The following NUBP1 variants were observed in gnomAD, a reference collection of about 807,000 sequenced individuals.
NUBP1 encodes NUBP iron-sulfur cluster assembly factor 1, cytosolic.
Under a neutral mutation model 41.8 loss-of-function variants are expected in NUBP1, and 46 were observed. That is an observed-to-expected ratio of 1.10 (90% CI 0.87 to 1.41). The LOEUF (loss-of-function observed/expected upper bound fraction) is 1.41. Among genes scored for constraint, NUBP1 ranks in the 40% most tolerant of loss-of-function variants. NUBP1 has a pLI of 0.00. For missense variants in NUBP1, 494 were observed against 414.0 expected, an observed-to-expected ratio of 1.19 and a Z score of -1.68; for synonymous variants, 189 against 154.6, an observed-to-expected ratio of 1.22 and a Z score of -1.65.
At chr16:10,746,071 G>A (rs1039341306) in intron 2 of NUBP1, among the ~76,000 whole-genome samples, 3 of 152,190 alleles carry the variant, frequency 2.0e-5, no homozygotes, top group Non-Finnish European at 2.9e-5. Flanking sequence ...GGGGCCTTTG[G>A]CCTTTTGCAG....
rs2030972622 is a variant in NUBP1 at position 10,766,955 on chromosome 16, C to A, written c.821-994C>A. ...ACCCTATTTTCCTGACTCACTGGGC[C>A]ATATGGGCTCCCCATCTCCCACCAA... On this transcript the variant is annotated intron_variant, in intron 9 of 10. Coordinates refer to ENST00000283027, the MANE Select transcript of NUBP1 (RefSeq NM_002484.4). This position sits in a 1 kb window ranked among gnomAD's most constrained non-coding sequence, Gnocchi z 4.8. The A allele has an allele frequency of 2.5e-6, 1 of 398,584 alleles. No homozygotes were observed. Among genetic ancestry groups the A allele is most frequent in the South Asian group, 1.3e-4 (1 of 7,858 alleles). 24.7% of individuals were successfully genotyped at this position (398,584 alleles called of 1,614,324 possible).
Position 10,744,083 on chromosome 16 carries a change from C to T in NUBP1, c.124+18C>T, listed in dbSNP as rs963205563. 9 of 1,550,588 alleles carry T rather than the reference C, an allele frequency of 5.8e-6. No individual in the cohort carries two copies. Among genetic ancestry groups the T allele is most frequent in the Non-Finnish European group, 7.8e-6 (9 of 1,155,522 alleles). ...GGACACGGGTGAGAAAAGGGCAAGG[C>T]CTCAACAGGAACTTAGAGGCGCAGG... On this transcript the variant is annotated intron_variant, in intron 2 of 10. Transcript: ENST00000283027.
chr16:10,752,762 C>A (rs1429550746), intron 4 of NUBP1, 84 bp downstream of exon 4: 6 of 1,084,024 alleles, frequency 5.5e-6, no homozygotes, highest in Non-Finnish European at 7.0e-6. Context: ...AACAAAGAGG[C>A]ATGCGGAGCC....
Position 10,765,355 on chromosome 16 carries a change from A to C in NUBP1, c.821-2594A>C, listed in dbSNP as rs903303525. 4.0e-5 allele frequency among the ~76,000 whole-genome samples: 6 copies of C among 151,510 alleles called. No individual in the cohort carries two copies. The highest frequency in any genetic ancestry group is 7.4e-5 in the Non-Finnish European group (5 of 67,870). ...AAAAAAAAAAAAAAAAAAAAGGAAAAAATTCACCCAGTGTGGTGGCATGTG... is the reference window on the plus strand; with the variant it reads ...AAAAAAAAAAAAAAAAAAAAGGAAACAATTCACCCAGTGTGGTGGCATGTG... On this transcript the variant is annotated intron_variant, in intron 9 of 10. Coordinates refer to ENST00000283027, the MANE Select transcript of NUBP1 (RefSeq NM_002484.4). This position sits in a 1 kb window ranked among gnomAD's most constrained non-coding sequence, Gnocchi z 4.0.
rs2030966634 is a variant in NUBP1, at chr16:10,766,902, G to GA, written c.821-1045dup. 2.5e-6 allele frequency: 1 copy of GA among 398,436 alleles called. No homozygotes were observed. The highest frequency in any genetic ancestry group is 4.4e-6 in the Non-Finnish European group (1 of 226,072). The allele number at this position is 398,436 out of a possible 1,614,324, so 24.7% of individuals were successfully genotyped here. A position where few individuals can be genotyped will look rare whatever the true frequency, so the allele number is the denominator to read the frequency against. ...ACATTTCCTGTTATGGCTCAAGTGC[G>GA]AATTGGCCTTATGTTCCCTGCCTCT... On this transcript the variant is annotated intron_variant, in intron 9 of 10. Coordinates refer to ENST00000283027, the MANE Select transcript of NUBP1 (RefSeq NM_002484.4). The surrounding 1 kb of genome is among the most constrained non-coding windows in gnomAD (Gnocchi z 4.8).
chr16:10,761,229 C>G (rs2142748152), intron 7 of NUBP1, 135 bp from the exon 8 acceptor site: 2 of 725,284 alleles, frequency 2.8e-6, no homozygotes, highest in East Asian at 5.8e-5. Flanking sequence ...GACACAGAGC[C>G]AAACCCTATC....
At position 10,767,857 on chromosome 16, in the gene NUBP1, C is replaced by G; in HGVS notation, c.821-92C>G. 8.5e-7 allele frequency: 1 copy of G among 1,173,880 alleles called. No homozygotes were observed. The highest frequency in any genetic ancestry group is 1.3e-6 in the Non-Finnish European group (1 of 785,596). 72.7% of individuals were successfully genotyped at this position (1,173,880 alleles called of 1,614,324 possible). On this transcript the variant is annotated intron_variant, in intron 9 of 10. Transcript: ENST00000283027. This position sits in a 1 kb window ranked among gnomAD's most constrained non-coding sequence, Gnocchi z 4.6. ...GAGTGAAGCGGGCTCAAGATCTTCC[C>G]ATTGTCACCAGCACGGAAAGAGCCC...
At position 10,747,216 on chromosome 16, in the gene NUBP1, TG is replaced by T; in HGVS notation, c.201del (p.Ser69AlafsTer11). 6.2e-7 allele frequency: 1 copy of T among 1,614,208 alleles called. No homozygotes were observed. The highest frequency in any genetic ancestry group is 1.1e-5 in the South Asian group (1 of 91,086). Reference sequence around the variant, plus strand: ...TGGTATTGTCTGGGAAAGGCGGTGTTGGGAAAAGCACATTCAGCGCCCACCT... The same window carrying T: ...TGGTATTGTCTGGGAAAGGCGGTGTTGGAAAAGCACATTCAGCGCCCACCT... ...ILVLSGKGGV[G>X]KSTFSAHLAH... is the part of the protein sequence containing the mutation. On this transcript the variant is annotated frameshift_variant, in exon 3 of 11. Coordinates refer to ENST00000283027, the MANE Select transcript of NUBP1 (RefSeq NM_002484.4). LOFTEE classifies it high-confidence loss of function.
intron 9 of NUBP1, among the ~76,000 whole-genome samples, chr16:10,764,164 G>A (rs1033475587): frequency 6.6e-6 from 1 of 152,222 alleles, no homozygotes; most frequent in African/African-American, 2.4e-5. Flanking sequence ...GCCCACAGGA[G>A]TATCTCAGCC....
intron 2 of NUBP1, among the ~76,000 whole-genome samples, chr16:10,744,761 T>C (rs1010468582): frequency 3.3e-5 from 5 of 152,002 alleles, no homozygotes; most frequent in African/African-American, 7.2e-5. Context: ...TTTCTTTTTT[T>C]TCCCCCTTTT....
At chr16:10,760,152 T>A (rs1214525331) in intron 7 of NUBP1, among the ~76,000 whole-genome samples, 2 of 152,258 alleles carry the variant, frequency 1.3e-5, no homozygotes, top group Non-Finnish European at 2.9e-5. Flanking sequence ...GTCAGTTGTT[T>A]GTGTTTATAA....
chr16:10,744,070 GA>G lies in NUBP1; in HGVS notation c.124+9del. The G allele has an allele frequency of 2.6e-6, 4 of 1,533,384 alleles. No individual in the cohort carries two copies. Among genetic ancestry groups the G allele is most frequent in the Non-Finnish European group, 2.6e-6 (3 of 1,140,636 alleles). The allele number at this position is 1,533,384 out of a possible 1,614,324, so 95.0% of individuals were successfully genotyped here. A position where few individuals can be genotyped will look rare whatever the true frequency, so the allele number is the denominator to read the frequency against. On this transcript the variant is annotated splice_donor_region_variant and intron_variant, in intron 2 of 10. Coordinates refer to ENST00000283027, the MANE Select transcript of NUBP1 (RefSeq NM_002484.4). ...CGGGGGCCACTCCGGACACGGGTGA[GA>G]AAAGGGCAAGGCCTCAACAGGAACT...
intron 7 of NUBP1, 27 bp downstream of exon 7, chr16:10,758,054 G>A: frequency 2.5e-6 from 4 of 1,608,514 alleles, no homozygotes; most frequent in Non-Finnish European, 3.4e-6. Context: ...CTGGAGCTGG[G>A]TCCAAACTGT....
chr16:10,758,801 G>A (rs147185333), intron 7 of NUBP1, among the ~76,000 whole-genome samples: 1 of 152,256 alleles, frequency 6.6e-6, no homozygotes, highest in East Asian at 1.9e-4. Context: ...TAAGCCACTG[G>A]GTGCCTTCGC....
chr16:10,752,920 G>A (rs1408293073), intron 4 of NUBP1, among the ~76,000 whole-genome samples: 2 of 152,120 alleles, frequency 1.3e-5, no homozygotes, highest in African/African-American at 4.8e-5. Flanking sequence ...TCAGCCTCCT[G>A]AGTAGCTGGG....
At chr16:10,752,994 T>C (rs112339897) in intron 4 of NUBP1, among the ~76,000 whole-genome samples, 2 of 152,118 alleles carry the variant, frequency 1.3e-5, no homozygotes, top group African/African-American at 4.8e-5. Flanking sequence ...CAGGTTTCAC[T>C]ACGTTGGCCA....
rs760384677 is a variant in NUBP1 at position 10,761,447 on chromosome 16, G to C, written c.690G>C (p.Met230Ile). 34 of 1,613,992 alleles carry C rather than the reference G, an allele frequency of 2.1e-5. No individual in the cohort carries two copies. The highest frequency in any genetic ancestry group is 2.7e-5 in the Non-Finnish European group (32 of 1,179,980). Reference sequence around the variant, plus strand: ...CCATCATCGGGGTGGTGGAGAACATGAGTGGCTTCATCTGTCCTAAGTGCA... The same window carrying C: ...CCATCATCGGGGTGGTGGAGAACATCAGTGGCTTCATCTGTCCTAAGTGCA... ...KLPIIGVVEN[M>I]SGFICPKCKK... is the part of the protein sequence containing the mutation. The change falls in exon 8 of 11, where the codon ATG (methionine) becomes ATC (isoleucine). Residue 230 changes from methionine to isoleucine, a missense_variant. By Grantham distance (10) the Met-to-Ile change is conservative. Transcript: ENST00000283027.
At position 10,765,628 on chromosome 16, in the gene NUBP1, C is replaced by G. The variant is rs1244358604; in HGVS notation, c.821-2321C>G. On this transcript the variant is annotated intron_variant, in intron 9 of 10. Coordinates refer to ENST00000283027, the MANE Select transcript of NUBP1 (RefSeq NM_002484.4). This position sits in a 1 kb window ranked among gnomAD's most constrained non-coding sequence, Gnocchi z 4.0. ...GAAGTGACCTTGGGGCTATTAGATC[C>G]TGATACGGCTTTTCTTCCAAAGAGC... Among the ~76,000 whole-genome samples, 1 of 152,228 alleles carries G rather than the reference C, an allele frequency of 6.6e-6. No individual in the cohort carries two copies. The highest frequency in any genetic ancestry group is 1.5e-5 in the Non-Finnish European group (1 of 68,038).
At position 10,761,406 on chromosome 16, in the gene NUBP1, C is replaced by T. The variant is rs1231972773; in HGVS notation, c.649C>T (p.Arg217Cys). 6.8e-6 allele frequency: 11 copies of T among 1,613,990 alleles called. No homozygotes were observed. The highest frequency in any genetic ancestry group is 5.3e-5 in the African/African-American group (4 of 74,904). Reference sequence around the variant, plus strand: ...TGTCCGGAAAGAAATCAACTTCTGCCGCAAGGTGAAGCTGCCCATCATCGG... The same window carrying T: ...TGTCCGGAAAGAAATCAACTTCTGCTGCAAGGTGAAGCTGCCCATCATCGG... ...QDVRKEINFC[R>C]KVKLPIIGVV... The change falls in exon 8 of 11, where the codon CGC becomes TGC. Residue 217 changes from arginine (R) to cysteine (C), a missense_variant. Coordinates refer to ENST00000283027, the MANE Select transcript of NUBP1 (RefSeq NM_002484.4).
Sources: gnomAD v4.1 joint callset for allele counts (sites outside exome capture counted in the v4.1 genomes callset) on GRCh38, gnomAD v4.1.1 for gene constraint, Gnocchi (gnomAD v3.1) non-coding constraint, MANE v1.5 for transcripts, NCBI Gene and HGNC (gene_info 2026-07-23, HGNC 2026-07-21) for gene names.